Variants in ELAVL2 observed in about 807,000 individuals in gnomAD.
ELAVL2 encodes ELAV-like protein 2.
A neutral mutation model predicts 34.6 loss-of-function variants in ELAVL2; 4 were observed. The ratio of observed to expected loss-of-function variants is 0.12; its 90% CI spans 0.06 to 0.26. The LOEUF is 0.26. Among genes scored for constraint, ELAVL2 ranks in the 10% least tolerant of loss-of-function variants. ELAVL2 has a pLI of 1.00. For synonymous variants in ELAVL2, 193 were observed against 154.8 expected (o/e 1.25, Z -1.83); for missense variants, 432 against 442.8 (o/e 0.98, Z 0.22).
At chr9:23,793,184 A>G (rs987779650) in intron 1 of ELAVL2, among the ~76,000 whole-genome samples, 4 of 152,170 alleles carry the variant, frequency 2.6e-5, no homozygotes, top group African/African-American at 2.4e-5. Context: ...AGAACATTAC[A>G]CAATCACAAG....
the ELAVL2 span, among the ~76,000 whole-genome samples, chr9:23,848,449 G>A: frequency 6.6e-6 from 1 of 152,146 alleles, no homozygotes; most frequent in African/African-American, 2.4e-5. Flanking sequence ...AATGAAAACT[G>A]TTTTAAGGAT....
chr9:23,752,330 A>G (rs2052306316), intron 2 of ELAVL2, among the ~76,000 whole-genome samples: 1 of 152,208 alleles, frequency 6.6e-6, no homozygotes, highest in Non-Finnish European at 1.5e-5. Flanking sequence ...ATTAGTGTCC[A>G]GTAGGCCACC....
chr9:23,693,417 G>A (rs1378996904), intron 6 of ELAVL2, 31 bp downstream of exon 6: 1 of 1,613,254 alleles, frequency 6.2e-7, no homozygotes, highest in Admixed American at 1.7e-5. Context: ...TGTGGAAAGG[G>A]ATTATGAGTA....
intron 2 of ELAVL2, among the ~76,000 whole-genome samples, chr9:23,752,470 T>TA (rs1405270025): frequency 1.5e-4 from 23 of 150,320 alleles, no homozygotes; most frequent in African/African-American, 5.4e-4. Flanking sequence ...AACTTTTTTT[T>TA]GTTTTTTTTT....
intron 2 of ELAVL2, among the ~76,000 whole-genome samples, chr9:23,743,250 A>G (rs1326533399): frequency 1.3e-5 from 2 of 152,246 alleles, no homozygotes; most frequent in East Asian, 3.9e-4. Context: ...CTTGCCCACC[A>G]ATTAACAGAT....
chr9:23,839,092 A>G, the ELAVL2 span, among the ~76,000 whole-genome samples: 1 of 152,034 alleles, frequency 6.6e-6, no homozygotes. Flanking sequence ...AACAAGAGCT[A>G]TCTAACAAGT....
chr9:23,816,119 T>C (rs959559830), intron 1 of ELAVL2, among the ~76,000 whole-genome samples: 1 of 152,014 alleles, frequency 6.6e-6, no homozygotes, highest in Non-Finnish European at 1.5e-5. Context: ...TATTTGTATA[T>C]ATTTCTCTAG....
intron 1 of ELAVL2, chr9:23,765,219 T>A: frequency 1.2e-6 from 1 of 832,766 alleles, no homozygotes; most frequent in Non-Finnish European, 1.8e-6. Flanking sequence ...CAGTGTGGCT[T>A]AATTGAAATT....
At chr9:23,744,800 A>AAC (rs890749070) in intron 2 of ELAVL2, among the ~76,000 whole-genome samples, 5 of 152,136 alleles carry the variant, frequency 3.3e-5, no homozygotes, top group Non-Finnish European at 7.4e-5. Flanking sequence ...AAGGAATTAG[A>AAC]ACTTTTACCT....
chr9:23,741,556 A>G (rs2049189058), intron 2 of ELAVL2, among the ~76,000 whole-genome samples: 1 of 152,020 alleles, frequency 6.6e-6, no homozygotes, highest in Non-Finnish European at 1.5e-5. Context: ...TAGGCAATCC[A>G]TGCTTATCTA....
At chr9:23,797,918 A>C (rs1029132938) in intron 1 of ELAVL2, among the ~76,000 whole-genome samples, 1 of 152,182 alleles carries the variant, frequency 6.6e-6, no homozygotes, top group African/African-American at 2.4e-5. Context: ...ACAAGAGTGA[A>C]ACTCTGTCTC....
the ELAVL2 span, among the ~76,000 whole-genome samples, chr9:23,850,235 A>AC: frequency 1.7e-3 from 206 of 124,842 alleles, 1 homozygote; most frequent in Admixed American, 3.5e-3. Flanking sequence ...CACCACCACC[A>AC]CCCCCCCCGC....
At chr9:23,830,815 T>C (rs1285257062), upstream of ELAVL2, among the ~76,000 whole-genome samples, 1 of 151,990 alleles carries the variant, frequency 6.6e-6, no homozygotes, top group Non-Finnish European at 1.5e-5. Flanking sequence ...TCCCCTCTTT[T>C]ACTCAATAGC....
chr9:23,812,121 G>A (rs954070837), intron 1 of ELAVL2, among the ~76,000 whole-genome samples: 1 of 151,822 alleles, frequency 6.6e-6, no homozygotes, highest in African/African-American at 2.4e-5. Flanking sequence ...GGGAGTGTGT[G>A]ATTTTTTTTT....
intron 2 of ELAVL2, among the ~76,000 whole-genome samples, chr9:23,757,540 T>A (rs773635159): frequency 6.6e-6 from 1 of 151,786 alleles, no homozygotes; most frequent in Non-Finnish European, 1.5e-5. Context: ...ACTTTATTAC[T>A]CATTCCTTGC....
At chr9:23,715,495 G>A (rs2042060537) in intron 3 of ELAVL2, among the ~76,000 whole-genome samples, 1 of 152,176 alleles carries the variant, frequency 6.6e-6, no homozygotes, top group Non-Finnish European at 1.5e-5. Flanking sequence ...TAGAAGTTGT[G>A]GCATTTGCCC....
Position 23,698,345 on chromosome 9 carries a change from A to G in ELAVL2, c.713+3034T>C, listed in dbSNP as rs1368200028. ...TAAGCGTATTAGACCAGCAGTGCTC[A>G]TATTACAACAATTCTCTGATTATTC... On this transcript the variant is annotated intron_variant, in intron 5 of 6. Transcript: ENST00000397312. Among the ~76,000 whole-genome samples the G allele has an allele frequency of 2.0e-5, 3 of 152,220 alleles. No homozygotes were observed. In the East Asian group the frequency reaches 5.8e-4, roughly 29 times the overall value.
At chr9:23,728,854 G>T (rs1256500608) in intron 3 of ELAVL2, among the ~76,000 whole-genome samples, 1 of 152,076 alleles carries the variant, frequency 6.6e-6, no homozygotes, top group Non-Finnish European at 1.5e-5. Context: ...GCCAAATTGA[G>T]GATGCCAGCT....
At chr9:23,738,718 T>C (rs1028139446) in intron 2 of ELAVL2, among the ~76,000 whole-genome samples, 1 of 152,212 alleles carries the variant, frequency 6.6e-6, no homozygotes, top group Non-Finnish European at 1.5e-5. Context: ...ATAGAAGAGT[T>C]TAAATCATAA....
Sources: allele counts gnomAD v4.1 joint callset (sites outside exome capture counted in the v4.1 genomes callset), GRCh38; gene constraint gnomAD v4.1.1; transcripts MANE v1.5; gene names NCBI Gene and HGNC (gene_info 2026-07-23, HGNC 2026-07-21).